ZMAT4: variants seen among roughly 807,000 people sequenced by gnomAD.
ZMAT4 encodes zinc finger matrin-type 4, also known as zinc finger matrin-type protein 4.
ZMAT4 carries 17 observed loss-of-function variants against 28.7 expected under a neutral mutation model. The ratio of observed to expected loss-of-function variants is 0.59; its 90% CI spans 0.41 to 0.89. The LOEUF (loss-of-function observed/expected upper bound fraction) is 0.89. Among genes scored for constraint, ZMAT4 ranks in the 40% least tolerant of loss-of-function variants. ZMAT4 has a pLI of 0.00. For missense variants in ZMAT4, 240 were observed against 283.8 expected (o/e 0.85, Z 1.11); for synonymous variants, 117 against 109.2 (o/e 1.07, Z -0.44).
rs1802702561 is a variant in ZMAT4, at chr8:40,531,799, G to T, written c.*424C>A. ...CCCTCAACTGTGTCCAACATGATGA[G>T]AAAAGAATGTATATTTCTGGATAGA... On this transcript the variant is annotated 3_prime_UTR_variant, in exon 7 of 7. Transcript: ENST00000297737. The T allele has an allele frequency of 6.5e-6, 1 of 154,886 alleles. No homozygotes were observed. Among genetic ancestry groups the T allele is most frequent in the Non-Finnish European group, 1.4e-5 (1 of 69,662 alleles). 9.6% of individuals were successfully genotyped at this position (154,886 alleles called of 1,614,324 possible).
At chr8:40,805,810 G>A (rs1815060773) in intron 2 of ZMAT4, among the ~76,000 whole-genome samples, 1 of 135,428 alleles carries the variant, frequency 7.4e-6, no homozygotes, top group Admixed American at 7.9e-5. Flanking sequence ...GAGGGGGGAG[G>A]GATGGCATTG....
intron 6 of ZMAT4, among the ~76,000 whole-genome samples, chr8:40,558,827 C>A (rs1803632955): frequency 6.6e-6 from 1 of 151,984 alleles, no homozygotes; most frequent in African/African-American, 2.4e-5. Flanking sequence ...GTCAGATATG[C>A]CTCATTAGGC....
intron 2 of ZMAT4, among the ~76,000 whole-genome samples, chr8:40,804,988 A>G (rs1419440000): frequency 1.3e-5 from 2 of 151,994 alleles, no homozygotes. Flanking sequence ...CAGCAAAACA[A>G]ACTACCATCA....
At chr8:40,692,996 G>A (rs1190216521) in intron 4 of ZMAT4, among the ~76,000 whole-genome samples, 1 of 152,088 alleles carries the variant, frequency 6.6e-6, no homozygotes, top group Non-Finnish European at 1.5e-5. Flanking sequence ...TCAAATTTAT[G>A]TCCCCCTAGA....
intron 3 of ZMAT4, among the ~76,000 whole-genome samples, chr8:40,702,734 A>G (rs948299202): frequency 6.6e-6 from 1 of 152,204 alleles, no homozygotes; most frequent in Non-Finnish European, 1.5e-5. Flanking sequence ...CCTTATGGAG[A>G]AAACACACGA....
chr8:40,875,923 A>C (rs780334846), intron 1 of ZMAT4, among the ~76,000 whole-genome samples: 1 of 152,168 alleles, frequency 6.6e-6, no homozygotes, highest in Non-Finnish European at 1.5e-5. Context: ...AATGGGAAAG[A>C]CGACGGATAT....
At chr8:40,540,299 T>A (rs1802989978) in intron 6 of ZMAT4, among the ~76,000 whole-genome samples, 1 of 152,182 alleles carries the variant, frequency 6.6e-6, no homozygotes, top group Non-Finnish European at 1.5e-5. Flanking sequence ...GGACTCTGGC[T>A]TGTGAAGGGT....
intron 1 of ZMAT4, among the ~76,000 whole-genome samples, chr8:40,880,565 T>A (rs1818186447): frequency 2.0e-5 from 3 of 152,160 alleles, no homozygotes; most frequent in African/African-American, 7.2e-5. Context: ...GAATTCTTAT[T>A]GGTGATAAGT....
intron 3 of ZMAT4, among the ~76,000 whole-genome samples, chr8:40,714,357 T>A (rs1378664403): frequency 1.3e-5 from 2 of 152,224 alleles, no homozygotes; most frequent in Admixed American, 1.3e-4. Context: ...GAGGATAATA[T>A]TTGAACAAAC....
intron 5 of ZMAT4, among the ~76,000 whole-genome samples, chr8:40,633,639 A>G (rs1460207256): frequency 6.6e-6 from 1 of 152,174 alleles, no homozygotes; most frequent in East Asian, 1.9e-4. Flanking sequence ...GCAAGCCATG[A>G]GGTTGAGCTT....
chr8:40,729,789 G>A (rs978062943), intron 3 of ZMAT4, among the ~76,000 whole-genome samples: 5 of 152,024 alleles, frequency 3.3e-5, no homozygotes, highest in African/African-American at 9.7e-5. Flanking sequence ...AGGAGAGATG[G>A]AGTTTCACCA....
At chr8:40,622,436 A>G (rs76745421) in intron 5 of ZMAT4, among the ~76,000 whole-genome samples, 115 of 152,316 alleles carry the variant, frequency 7.6e-4, no homozygotes, top group African/African-American at 2.7e-3. Context: ...ACGGAGAAAA[A>G]AGAACACTGG....
intron 3 of ZMAT4, among the ~76,000 whole-genome samples, chr8:40,760,857 G>T (rs1056206925): frequency 1.1e-4 from 17 of 152,038 alleles, no homozygotes; most frequent in African/African-American, 3.9e-4. Flanking sequence ...CCAACCTGGG[G>T]CTTGGCCAAC....
At chr8:40,748,934 G>C (rs1484258523) in intron 3 of ZMAT4, among the ~76,000 whole-genome samples, 1 of 151,968 alleles carries the variant, frequency 6.6e-6, no homozygotes, top group African/African-American at 2.4e-5. Flanking sequence ...GGGACCCAGT[G>C]GGAGATAATA....
intron 5 of ZMAT4, among the ~76,000 whole-genome samples, chr8:40,624,340 G>T (rs1396788506): frequency 6.6e-6 from 1 of 152,166 alleles, no homozygotes; most frequent in South Asian, 2.1e-4. Context: ...CTGCAACTAG[G>T]ATGAGAACTC....
At chr8:40,669,884 A>G (rs1247475593) in intron 5 of ZMAT4, among the ~76,000 whole-genome samples, 1 of 152,202 alleles carries the variant, frequency 6.6e-6, no homozygotes, top group Non-Finnish European at 1.5e-5. Context: ...AAAACTACAA[A>G]ACATTGCCTA....
In ZMAT4 at chr8:40,799,286, G is replaced by A. The variant is rs2150585473; in HGVS notation, c.102+26289C>T. 2.6e-5 allele frequency among the ~76,000 whole-genome samples: 4 copies of A among 152,300 alleles called. No homozygotes were observed. The South Asian group carries it at 8.3e-4, about 32-fold the overall frequency. ...AGAGGGAGACAGATAGAGAGAAAGA[G>A]AGACAGATAGATATCCAAAACTATA... On this transcript the variant is annotated intron_variant, in intron 2 of 6. Transcript: ENST00000297737.
chr8:40,850,462 GCAGA>G (rs1352027799), intron 1 of ZMAT4, among the ~76,000 whole-genome samples: 5 of 152,156 alleles, frequency 3.3e-5, no homozygotes, highest in African/African-American at 1.2e-4. Flanking sequence ...GCGGATCACT[GCAGA>G]CAGTCATGGA....
rs575597864 is a variant in ZMAT4, at chr8:40,586,780, G to C, written c.578-5519C>G. Among the ~76,000 whole-genome samples, 38 of 152,236 alleles carry C rather than the reference G, an allele frequency of 2.5e-4. 1 individual carries two copies. The highest frequency in any genetic ancestry group is 1.7e-3 in the South Asian group (8 of 4,830). On this transcript the variant is annotated intron_variant, in intron 5 of 6. Coordinates refer to ENST00000297737, the MANE Select transcript of ZMAT4 (RefSeq NM_024645.3). ...TATTTTGCTGAATGCTATGAATATG[G>C]GAGAGAATAAGACAGAGTACATTTT...
Sources: allele counts gnomAD v4.1 joint callset (sites outside exome capture counted in the v4.1 genomes callset), GRCh38; gene constraint gnomAD v4.1.1; transcripts MANE v1.5; gene names NCBI Gene and HGNC (gene_info 2026-07-23, HGNC 2026-07-21).